SKI: variants seen among roughly 807,000 people sequenced by gnomAD.
SKI encodes ski oncogene.
Under a neutral mutation model 59.3 loss-of-function variants are expected in SKI, and 23 were observed. The observed-to-expected ratio is 0.39, with a 90% CI of 0.28 to 0.55. The LOEUF (loss-of-function observed/expected upper bound fraction) is 0.55. SKI is among the 20% of genes least tolerant of loss of function. SKI has a pLI of 0.67. For synonymous variants in SKI, 673 were observed against 488.6 expected (o/e 1.38, Z -4.98); for missense variants, 1,017 against 1,038.9 (o/e 0.98, Z 0.29).
intron 1 of SKI, among the ~76,000 whole-genome samples, chr1:2,250,320 C>G (rs771226951): frequency 6.6e-6 from 1 of 152,194 alleles, no homozygotes; most frequent in Non-Finnish European, 1.5e-5. Flanking sequence ...GCTCTCTGGC[C>G]GTCCCAGAAC....
intron 5 of SKI, among the ~76,000 whole-genome samples, chr1:2,304,790 C>T (rs1173043807): frequency 6.6e-6 from 1 of 152,264 alleles, no homozygotes; most frequent in East Asian, 1.9e-4. Context: ...CCCTCAGTGT[C>T]CCCAGGCTGA....
At position 2,304,573 on chromosome 1, in the gene SKI, C is replaced by T. The variant is rs1319187131; in HGVS notation, c.1755C>T (p.Arg585=). 1 of 1,556,066 alleles carries T rather than the reference C, an allele frequency of 6.4e-7. No individual in the cohort carries two copies. Among genetic ancestry groups the T allele is most frequent in the South Asian group, 1.2e-5 (1 of 84,382 alleles). The change falls in exon 5 of 7, where the codon CGC becomes CGT. Residue 585 remains arginine, a synonymous_variant. Transcript: ENST00000378536. ...EKLSAALQAK[R]SLHQELEFLR... is the part of the protein sequence containing the mutation. Reference sequence around the variant, plus strand: ...TCAGCGCAGCCCTGCAGGCCAAGCGCAGCCTCCACCAGGTGAGCGGGGCGA... The same window carrying T: ...TCAGCGCAGCCCTGCAGGCCAAGCGTAGCCTCCACCAGGTGAGCGGGGCGA...
At chr1:2,290,063 G>A (rs950370308) in intron 1 of SKI, among the ~76,000 whole-genome samples, 7 of 152,164 alleles carry the variant, frequency 4.6e-5, no homozygotes, top group East Asian at 1.9e-4. Flanking sequence ...CTTGTGTGGC[G>A]CCGGGGGTCC....
chr1:2,265,800 C>G (rs1639489961), intron 1 of SKI, among the ~76,000 whole-genome samples: 1 of 152,018 alleles, frequency 6.6e-6, no homozygotes, highest in South Asian at 2.1e-4. Context: ...AACCCTGTCT[C>G]TACTTAAAAA....
At chr1:2,299,046 T>C in intron 1 of SKI, among the ~76,000 whole-genome samples, 1 of 152,118 alleles carries the variant, frequency 6.6e-6, no homozygotes, top group East Asian at 1.9e-4. Flanking sequence ...TATGTGGTTG[T>C]TTTGTGTGGA....
chr1:2,306,409 T>C (rs1005274077), intron 6 of SKI, among the ~76,000 whole-genome samples, 159 bp downstream of exon 6: 4 of 152,118 alleles, frequency 2.6e-5, no homozygotes, highest in African/African-American at 7.2e-5. Context: ...GGTGGGTGGT[T>C]GCTGGGCCCT....
intron 1 of SKI, among the ~76,000 whole-genome samples, chr1:2,239,748 C>A (rs1019405513): frequency 6.6e-5 from 10 of 152,260 alleles, no homozygotes; most frequent in Non-Finnish European, 1.5e-4. Context: ...CAACGGGAGG[C>A]TTCTCAGAGC....
intron 1 of SKI, among the ~76,000 whole-genome samples, chr1:2,288,038 G>A (rs1640081769): frequency 6.6e-6 from 1 of 151,770 alleles, no homozygotes; most frequent in South Asian, 2.1e-4. Flanking sequence ...GCCCAGGCTG[G>A]ACTGCAATGG....
At chr1:2,233,185 G>A (rs977942061) in intron 1 of SKI, among the ~76,000 whole-genome samples, 2 of 151,190 alleles carry the variant, frequency 1.3e-5, no homozygotes, top group South Asian at 2.1e-4. Context: ...CTGCTCCAAG[G>A]GGGGGTCCTG....
At chr1:2,301,469 C>G (rs1490111927) in intron 1 of SKI, among the ~76,000 whole-genome samples, 2 of 152,198 alleles carry the variant, frequency 1.3e-5, no homozygotes, top group Admixed American at 6.5e-5. Flanking sequence ...GCACCTGCCC[C>G]TCCCCTGGCC....
At chr1:2,285,160 T>C (rs992103690) in intron 1 of SKI, among the ~76,000 whole-genome samples, 2 of 152,090 alleles carry the variant, frequency 1.3e-5, no homozygotes, top group African/African-American at 4.8e-5. Flanking sequence ...TAAATTTCCA[T>C]CTGCCCTGAC....
chr1:2,265,960 C>T (rs1281768308), intron 1 of SKI, among the ~76,000 whole-genome samples: 1 of 152,034 alleles, frequency 6.6e-6, no homozygotes, highest in South Asian at 2.1e-4. Context: ...AGAGCCAGAC[C>T]CTATCTCAAG....
intron 1 of SKI, among the ~76,000 whole-genome samples, chr1:2,285,623 G>A (rs1347643980): frequency 1.3e-5 from 2 of 150,420 alleles, no homozygotes; most frequent in African/African-American, 2.4e-5. Context: ...GGAGTGCAGT[G>A]GCGTGATCTC....
intron 1 of SKI, among the ~76,000 whole-genome samples, chr1:2,261,383 C>G (rs1025779285): frequency 6.6e-6 from 1 of 152,146 alleles, no homozygotes; most frequent in Non-Finnish European, 1.5e-5. Context: ...TCTTAACAAT[C>G]GGGAGTTTTC....
intron 1 of SKI, among the ~76,000 whole-genome samples, chr1:2,237,874 C>T (rs769117628): frequency 2.0e-5 from 3 of 152,220 alleles, no homozygotes; most frequent in Non-Finnish European, 4.4e-5. Context: ...GGGAGGCTGG[C>T]GCCCTCTGTG....
At chr1:2,256,912 C>T (rs1015655033) in intron 1 of SKI, among the ~76,000 whole-genome samples, 3 of 152,210 alleles carry the variant, frequency 2.0e-5, no homozygotes, top group Admixed American at 6.5e-5. Context: ...GAGGCTCGCG[C>T]CCCGATCTTC....
At chr1:2,291,662 T>G (rs1403556389) in intron 1 of SKI, among the ~76,000 whole-genome samples, 3 of 120,532 alleles carry the variant, frequency 2.5e-5, no homozygotes, top group African/African-American at 9.3e-5. Context: ...CCCCCCTGGA[T>G]GGATGGGTCT....
chr1:2,301,371 G>T (rs193278285), intron 1 of SKI, among the ~76,000 whole-genome samples: 2 of 152,348 alleles, frequency 1.3e-5, no homozygotes, highest in Non-Finnish European at 1.5e-5. Context: ...ATCCACAGCC[G>T]TGAGCCTTCA....
rs1315009869 is a variant in SKI, at chr1:2,308,059, T to C, written c.*1294T>C. 6.6e-6 allele frequency: 1 copy of C among 152,422 alleles called. No individual in the cohort carries two copies. Among genetic ancestry groups the C allele is most frequent in the Admixed American group, 6.5e-5 (1 of 15,282 alleles). The allele number at this position is 152,422 out of a possible 1,614,324, so 9.4% of individuals were successfully genotyped here. Reference sequence around the variant, plus strand: ...ATAATCTCGTTTACTCTCACCTGTTTATGCAAATTGTATAAGGTTTCTTAT... The same window carrying C: ...ATAATCTCGTTTACTCTCACCTGTTCATGCAAATTGTATAAGGTTTCTTAT... On this transcript the variant is annotated 3_prime_UTR_variant, in exon 7 of 7. Coordinates refer to ENST00000378536, the MANE Select transcript of SKI (RefSeq NM_003036.4).
Sources: gnomAD v4.1 joint callset for allele counts (sites outside exome capture counted in the v4.1 genomes callset) on GRCh38, gnomAD v4.1.1 for gene constraint, MANE v1.5 for transcripts, NCBI Gene and HGNC (gene_info 2026-07-23, HGNC 2026-07-21) for gene names.